The following NKAIN4 variants were observed in gnomAD, a reference collection of about 807,000 sequenced individuals.
NKAIN4 encodes the protein sodium/potassium-transporting ATPase subunit beta-1-interacting protein 4.
NKAIN4 carries 28 observed loss-of-function variants against 28.8 expected under a neutral mutation model. The ratio of observed to expected loss-of-function variants is 0.97; its 90% CI spans 0.72 to 1.33. The LOEUF (loss-of-function observed/expected upper bound fraction) is 1.33. Ranked by LOEUF, NKAIN4 falls within the 40% of genes most tolerant of loss-of-function variation. The pLI is 0.00. For synonymous variants in NKAIN4, 122 were observed against 115.6 expected, an observed-to-expected ratio of 1.06 and a Z score of -0.36; for missense variants, 289 against 277.2, an observed-to-expected ratio of 1.04 and a Z score of -0.30.
chr20:63,249,202 G>A (rs534612227), intron 2 of NKAIN4: 42 of 398,542 alleles, frequency 1.1e-4, no homozygotes, highest in East Asian at 7.7e-4. Flanking sequence ...ACCTGTCCTC[G>A]CCTCACCGGG....
At position 63,248,899 on chromosome 20, in the gene NKAIN4, G is replaced by A; in HGVS notation, c.193-4C>T. 1 of 1,608,806 alleles carries A rather than the reference G, an allele frequency of 6.2e-7. No individual in the cohort carries two copies. Among genetic ancestry groups the A allele is most frequent in the South Asian group, 1.1e-5 (1 of 90,968 alleles). ...AGACGGCTGCCCACAGCGTGTACTA[G>A]GGAGAGGAGAGGATGGGGCGGCAGC... On this transcript the variant is annotated splice_region_variant and splice_polypyrimidine_tract_variant and intron_variant, in intron 2 of 6. Coordinates refer to ENST00000370316, the MANE Select transcript of NKAIN4 (RefSeq NM_152864.4).
At chr20:63,251,002 A>T (rs1486560650) in intron 1 of NKAIN4, among the ~76,000 whole-genome samples, 1 of 149,236 alleles carries the variant, frequency 6.7e-6, no homozygotes, top group East Asian at 2.1e-4. Context: ...CGCAGAGACC[A>T]GTAGTGGCCC....
upstream of NKAIN4, chr20:63,254,692 G>A (rs1601308314): frequency 8.9e-6 from 3 of 338,944 alleles, no homozygotes; most frequent in African/African-American, 4.3e-5. Flanking sequence ...TTCTTAAAGG[G>A]GCGATGGCGC....
In NKAIN4 at chr20:63,241,579, C is replaced by T. The variant is rs577036308; in HGVS notation, c.618-73G>A. ...GCCACTGGGGGCTGCCACCCCCTCC[C>T]CTTGGAGAACCTGAAATGGAACAAA... On this transcript the variant is annotated intron_variant, in intron 6 of 6. Coordinates refer to ENST00000370316, the MANE Select transcript of NKAIN4 (RefSeq NM_152864.4). 3.3e-5 allele frequency: 43 copies of T among 1,320,508 alleles called. No individual in the cohort carries two copies. The East Asian group carries it at 7.3e-4, about 22-fold the overall frequency. 81.8% of individuals were successfully genotyped at this position (1,320,508 alleles called of 1,614,324 possible). A position where few individuals can be genotyped will look rare whatever the true frequency, so the allele number is the denominator to read the frequency against.
At chr20:63,254,676 G>A, upstream of NKAIN4, 2 of 368,482 alleles carry the variant, frequency 5.4e-6, no homozygotes, top group Non-Finnish European at 4.8e-6. Context: ...CCGGAGAGGG[G>A]GACCGTTCTT....
At chr20:63,244,113 G>C in intron 4 of NKAIN4, 29 bp from the exon 5 acceptor site, 1 of 1,599,366 alleles carries the variant, frequency 6.3e-7, no homozygotes, top group East Asian at 2.3e-5. Flanking sequence ...AGGGGCGTGA[G>C]TGCGGCCAGG....
At position 63,253,296 on chromosome 20, in the gene NKAIN4, G is replaced by A. The variant is rs1361772857; in HGVS notation, c.54+1101C>T. The A allele has an allele frequency of 6.1e-6, 6 of 985,240 alleles. No homozygotes were observed. The African/African-American group carries it at 1.0e-4, about 17-fold the overall frequency. 61.0% of individuals were successfully genotyped at this position (985,240 alleles called of 1,614,324 possible). A position where few individuals can be genotyped will look rare whatever the true frequency, so the allele number is the denominator to read the frequency against. On this transcript the variant is annotated intron_variant, in intron 1 of 6. Transcript: ENST00000370316. Reference sequence around the variant, plus strand: ...TTGCAGGACCTCAGGTTATCTCCGCGGCCCCAGCGAGCCTCCCAGGAAAGC... The same window carrying A: ...TTGCAGGACCTCAGGTTATCTCCGCAGCCCCAGCGAGCCTCCCAGGAAAGC...
At chr20:63,247,142 C>A (rs2066873291) in intron 4 of NKAIN4, 1 of 1,068,030 alleles carries the variant, frequency 9.4e-7, no homozygotes, top group Non-Finnish European at 1.1e-6. Context: ...CTTGCCAGCC[C>A]AGCCTCAGGC....
intron 5 of NKAIN4, among the ~76,000 whole-genome samples, chr20:63,243,102 A>G (rs576725540): frequency 6.6e-6 from 1 of 152,200 alleles, no homozygotes; most frequent in Non-Finnish European, 1.5e-5. Flanking sequence ...CTTGCGGGGC[A>G]AAGTCGAGGC....
Position 63,247,443 on chromosome 20 carries a change from G to A in NKAIN4, c.471+135C>T, listed in dbSNP as rs769608191. Reference sequence around the variant, plus strand: ...GTGATACCTTAACCTCTCCAGCAAGGGTGGGGGATGAGGAAGGCAGAGACA... The same window carrying A: ...GTGATACCTTAACCTCTCCAGCAAGAGTGGGGGATGAGGAAGGCAGAGACA... On this transcript the variant is annotated intron_variant, in intron 4 of 6. Coordinates refer to ENST00000370316, the MANE Select transcript of NKAIN4 (RefSeq NM_152864.4). 1.6e-5 allele frequency: 25 copies of A among 1,544,376 alleles called. No homozygotes were observed. In the Middle Eastern group the frequency reaches 5.0e-4, roughly 31 times the overall value.
At chr20:63,248,388 A>C (rs1601290058) in intron 3 of NKAIN4, 3 of 180,762 alleles carry the variant, frequency 1.7e-5, no homozygotes, top group African/African-American at 2.4e-5. Flanking sequence ...GCCTTTTCCC[A>C]CCCCCTCCCC....
chr20:63,254,178 C>A, intron 1 of NKAIN4: 2 of 440,478 alleles, frequency 4.5e-6, no homozygotes, highest in Middle Eastern at 6.2e-4. Context: ...GCCCCCCGCG[C>A]ACGCACACCG....
chr20:63,246,725 CA>C (rs2066864999), intron 4 of NKAIN4: 1 of 985,476 alleles, frequency 1.0e-6, no homozygotes, highest in African/African-American at 1.7e-5. Flanking sequence ...AGCCGTGCTG[CA>C]GTCACATTGG....
rs562528449 is a variant in NKAIN4 at position 63,241,420 on chromosome 20, C to T, written c.*77G>A. 1.1e-5 allele frequency: 17 copies of T among 1,514,476 alleles called. No individual in the cohort carries two copies. In the African/African-American group the frequency reaches 1.4e-4, roughly 12 times the overall value. The allele number at this position is 1,514,476 out of a possible 1,614,324, so 93.8% of individuals were successfully genotyped here. ...TGCTGGGTGGGGGCGCGTCCCAAGG[C>T]CTGGGAGCTCCTGTCATTGTCACTG... On this transcript the variant is annotated 3_prime_UTR_variant, in exon 7 of 7. Coordinates refer to ENST00000370316, the MANE Select transcript of NKAIN4 (RefSeq NM_152864.4).
Position 63,246,350 on chromosome 20 carries a change from T to C in NKAIN4, c.471+1228A>G, listed in dbSNP as rs141530905. Among the ~76,000 whole-genome samples, 876 of 152,306 alleles carry C rather than the reference T, an allele frequency of 5.8e-3. 7 individuals carry two copies. Among genetic ancestry groups the C allele is most frequent in the African/African-American group, 0.02 (814 of 41,570 alleles). Reference sequence around the variant, plus strand: ...TGGGTTCCACACATTTTGGGGGCAATTGGGGCCCCCTCTGTGCCTTGCTGA... The same window carrying C: ...TGGGTTCCACACATTTTGGGGGCAACTGGGGCCCCCTCTGTGCCTTGCTGA... On this transcript the variant is annotated intron_variant, in intron 4 of 6. Transcript: ENST00000370316.
intron 3 of NKAIN4, 85 bp from the exon 4 acceptor site, chr20:63,247,860 ACCG>A (rs2123099677): frequency 7.2e-7 from 1 of 1,393,944 alleles, no homozygotes. Context: ...ACGCCACCAC[ACCG>A]AGGCAAGGGG....
In NKAIN4 at chr20:63,248,732, A is replaced by G. The variant is rs2066903653; in HGVS notation, c.273+83T>C. On this transcript the variant is annotated intron_variant, in intron 3 of 6. Coordinates refer to ENST00000370316, the MANE Select transcript of NKAIN4 (RefSeq NM_152864.4). ...GAGCCCCTGCCTCAGACGACAGATG[A>G]AAAGCAAACACAGGGGGTGTTACCA... The G allele has an allele frequency of 9.0e-6, 8 of 885,536 alleles. No homozygotes were observed. The South Asian group carries it at 1.1e-4, about 12-fold the overall frequency. The allele number at this position is 885,536 out of a possible 1,614,324, so 54.9% of individuals were successfully genotyped here. A position where few individuals can be genotyped will look rare whatever the true frequency, so the allele number is the denominator to read the frequency against.
At chr20:63,249,641 G>A (rs779849501) in intron 2 of NKAIN4, among the ~76,000 whole-genome samples, 19 of 152,168 alleles carry the variant, frequency 1.2e-4, no homozygotes, top group Non-Finnish European at 2.1e-4. Flanking sequence ...AGCAGGGATC[G>A]TGGCAGCACC....
At chr20:63,248,528 C>T (rs977470663) in intron 3 of NKAIN4, 1 of 386,284 alleles carries the variant, frequency 2.6e-6, no homozygotes, top group Non-Finnish European at 4.9e-6. Flanking sequence ...CAGATCTCTG[C>T]CAGGGTTTGC....
Sources: allele counts gnomAD v4.1 joint callset (sites outside exome capture counted in the v4.1 genomes callset), GRCh38; gene constraint gnomAD v4.1.1; transcripts MANE v1.5; gene names NCBI Gene and HGNC (gene_info 2026-07-23, HGNC 2026-07-21).